Variants in MYO9A observed in about 807,000 individuals in gnomAD.
MYO9A encodes unconventional myosin-IXa.
In MYO9A, 103 loss-of-function variants were observed where a neutral mutation model predicts 293.3. The observed-to-expected ratio is 0.35, with a 90% CI of 0.30 to 0.41. The LOEUF (loss-of-function observed/expected upper bound fraction) is 0.41. Among genes scored for constraint, MYO9A ranks in the 10% least tolerant of loss-of-function variants. The pLI is 1.00. For synonymous variants in MYO9A, 1,001 were observed against 1,035.7 expected (o/e 0.97, Z 0.64); for missense variants, 2,685 against 3,033.0 (o/e 0.89, Z 2.69).
At chr15:71,927,175 A>C (rs758512693) in intron 18 of MYO9A, among the ~76,000 whole-genome samples, 3 of 152,136 alleles carry the variant, frequency 2.0e-5, no homozygotes, top group Non-Finnish European at 4.4e-5. Flanking sequence ...CTTTGGCAAA[A>C]TGTCTTTTGG....
At chr15:71,990,919 C>A (rs898107770) in intron 11 of MYO9A, among the ~76,000 whole-genome samples, 184 bp downstream of exon 11, 21 of 152,126 alleles carry the variant, frequency 1.4e-4, no homozygotes, top group Admixed American at 4.6e-4. Flanking sequence ...AACAAAGAGG[C>A]AACGGTATTT....
chr15:72,017,339 T>G (rs937035107), intron 6 of MYO9A, among the ~76,000 whole-genome samples: 1 of 152,186 alleles, frequency 6.6e-6, no homozygotes, highest in Non-Finnish European at 1.5e-5. Context: ...TTACTTAGAC[T>G]ATCTCTGAAA....
At chr15:71,870,532 G>T (rs2056476806) in intron 32 of MYO9A, among the ~76,000 whole-genome samples, 1 of 152,098 alleles carries the variant, frequency 6.6e-6, no homozygotes, top group Admixed American at 6.5e-5. Flanking sequence ...ACACATCAAT[G>T]AATAAAAAGA....
chr15:71,913,479 GTT>G (rs2057920310), intron 19 of MYO9A, among the ~76,000 whole-genome samples: 1 of 152,034 alleles, frequency 6.6e-6, no homozygotes, highest in Non-Finnish European at 1.5e-5. Flanking sequence ...TCATATTCAT[GTT>G]TTTTGTTATG....
intron 1 of MYO9A, among the ~76,000 whole-genome samples, chr15:72,062,533 G>T (rs950134364): frequency 2.6e-5 from 4 of 152,146 alleles, no homozygotes; most frequent in African/African-American, 9.7e-5. Flanking sequence ...AGAAATTTGG[G>T]AGCTGAAAAA....
At chr15:72,115,462 A>C (rs1171995855) in intron 1 of MYO9A, among the ~76,000 whole-genome samples, 2 of 152,208 alleles carry the variant, frequency 1.3e-5, no homozygotes, top group African/African-American at 4.8e-5. Flanking sequence ...AGTGAAAGGC[A>C]CAAGCCAGAA....
chr15:72,070,775 A>AT, intron 1 of MYO9A, among the ~76,000 whole-genome samples: 1 of 152,354 alleles, frequency 6.6e-6, no homozygotes. Flanking sequence ...CTGATCTTCA[A>AT]TAAAGTTGAC....
At chr15:71,885,134 T>C (rs985813561) in intron 27 of MYO9A, among the ~76,000 whole-genome samples, 1 of 152,106 alleles carries the variant, frequency 6.6e-6, no homozygotes, top group African/African-American at 2.4e-5. Flanking sequence ...ATTCTTCTGA[T>C]ATTTAGTGTG....
At chr15:72,103,411 AAGCAGCAGCAGAAGC>A (rs1284170573) in intron 1 of MYO9A, among the ~76,000 whole-genome samples, 35 of 147,118 alleles carry the variant, frequency 2.4e-4, no homozygotes, top group Admixed American at 4.7e-4. Context: ...AGCAAGCAGC[AAGCAGCAGCAGAAGC>A]AGCAGCAGCA....
Position 72,016,741 on chromosome 15 carries a change from C to T in MYO9A, c.1155+2298G>A, listed in dbSNP as rs758052261. On this transcript the variant is annotated intron_variant, in intron 6 of 41. Coordinates refer to ENST00000356056, the MANE Select transcript of MYO9A (RefSeq NM_006901.4). ...ATAATAGATTTTAAGACACAATAAA[C>T]GGATAATGGTGATGAAAGTATGATT... Among the ~76,000 whole-genome samples, 6 of 152,048 alleles carry T rather than the reference C, an allele frequency of 3.9e-5. No homozygotes were observed. In the Middle Eastern group the frequency reaches 0.01, roughly 259 times the overall value.
At chr15:72,026,018 G>A (rs1166730351) in intron 4 of MYO9A, among the ~76,000 whole-genome samples, 2 of 151,950 alleles carry the variant, frequency 1.3e-5, no homozygotes, top group African/African-American at 2.4e-5. Context: ...GGTGGCTCAC[G>A]CCTGTAACAT....
chr15:71,834,206 T>C (rs2054844444), intron 39 of MYO9A, among the ~76,000 whole-genome samples: 2 of 152,116 alleles, frequency 1.3e-5, no homozygotes, highest in African/African-American at 4.8e-5. Flanking sequence ...AACAACTTCA[T>C]GTCAATAAAT....
intron 12 of MYO9A, among the ~76,000 whole-genome samples, chr15:71,975,737 A>G (rs1196997098): frequency 6.6e-6 from 1 of 152,148 alleles, no homozygotes; most frequent in Non-Finnish European, 1.5e-5. Flanking sequence ...CTAGACAAAC[A>G]GGCCTTACTG....
At chr15:71,992,019 T>C (rs536075778) in intron 10 of MYO9A, among the ~76,000 whole-genome samples, 145 of 152,252 alleles carry the variant, frequency 9.5e-4, no homozygotes, top group African/African-American at 2.7e-3. Flanking sequence ...CCTCCCAAAG[T>C]GCTGGGATTA....
In MYO9A at chr15:71,916,466, C is replaced by T. The variant is rs1326850246; in HGVS notation, c.2589G>A (p.Lys863=). Residue 863 remains lysine, a synonymous_variant, in exon 19 of 42, where the codon AAG becomes AAA. Coordinates refer to ENST00000356056, the MANE Select transcript of MYO9A (RefSeq NM_006901.4). ...CTTGTAGTGTCAGTCTTGTCAGGTG[C>T]TTTAAAGAATTTACTTCTAGCAAGT... ...PKHLLEVNSL[K]HLTRLTLQDR... The T allele has an allele frequency of 6.2e-7, 1 of 1,609,722 alleles. No individual in the cohort carries two copies. The highest frequency in any genetic ancestry group is 8.5e-7 in the Non-Finnish European group (1 of 1,178,590).
chr15:71,853,256 A>C (rs1047628485), intron 35 of MYO9A, among the ~76,000 whole-genome samples: 1 of 152,244 alleles, frequency 6.6e-6, no homozygotes, highest in East Asian at 1.9e-4. Flanking sequence ...AAATGAAAAA[A>C]CGCATACAGG....
intron 39 of MYO9A, among the ~76,000 whole-genome samples, chr15:71,837,712 ACAGC>A (rs2140912449): frequency 6.6e-6 from 1 of 152,236 alleles, no homozygotes; most frequent in South Asian, 2.1e-4. Context: ...GGAAACTCCT[ACAGC>A]CTAGAATTAT....
chr15:72,022,519 CAA>C (rs113771556), intron 4 of MYO9A, among the ~76,000 whole-genome samples: 4 of 127,218 alleles, frequency 3.1e-5, no homozygotes, highest in African/African-American at 2.9e-5. Context: ...GACTCTGTCT[CAA>C]AAAAAAAAAA....
chr15:72,076,890 GAA>G (rs1201737548), intron 1 of MYO9A, among the ~76,000 whole-genome samples: 1 of 152,192 alleles, frequency 6.6e-6, no homozygotes, highest in East Asian at 1.9e-4. Flanking sequence ...ACAGATCAAT[GAA>G]ACAGAAAAGA....
Sources: gnomAD v4.1 joint callset for allele counts (sites outside exome capture counted in the v4.1 genomes callset) on GRCh38, gnomAD v4.1.1 for gene constraint, MANE v1.5 for transcripts, NCBI Gene and HGNC (gene_info 2026-07-23, HGNC 2026-07-21) for gene names.